Variants in ST6GALNAC3 observed in about 807,000 individuals in gnomAD.
ST6GALNAC3 encodes the protein alpha-N-acetylgalactosaminide alpha-2,6-sialyltransferase 3.
Under a neutral mutation model 32.7 loss-of-function variants are expected in ST6GALNAC3, and 25 were observed. The ratio of observed to expected loss-of-function variants is 0.76; its 90% confidence interval spans 0.56 to 1.07. ST6GALNAC3 has a LOEUF of 1.07. Among genes scored for constraint, ST6GALNAC3 ranks in the 50% least tolerant of loss-of-function variants. The pLI is 0.00. For synonymous variants in ST6GALNAC3, 129 were observed against 133.1 expected, an observed-to-expected ratio of 0.97 and a Z score of 0.21; for missense variants, 355 against 382.4, an observed-to-expected ratio of 0.93 and a Z score of 0.60.
intron 3 of ST6GALNAC3, among the ~76,000 whole-genome samples, chr1:76,546,253 A>C (rs2100327676): frequency 6.6e-6 from 1 of 152,312 alleles, no homozygotes; most frequent in Middle Eastern, 3.4e-3. Flanking sequence ...ATACTCAATA[A>C]GTATTTGGAA....
intron 1 of ST6GALNAC3, among the ~76,000 whole-genome samples, chr1:76,124,674 A>C (rs1649128306): frequency 6.6e-6 from 1 of 152,124 alleles, no homozygotes; most frequent in Non-Finnish European, 1.5e-5. Context: ...TAACTGTCCC[A>C]GTCTTTCTTT....
At chr1:76,469,832 G>A (rs527778156) in intron 3 of ST6GALNAC3, among the ~76,000 whole-genome samples, 4 of 152,162 alleles carry the variant, frequency 2.6e-5, no homozygotes, top group South Asian at 4.1e-4. Flanking sequence ...TGTATTAATG[G>A]AGCCATTGCT....
intron 2 of ST6GALNAC3, among the ~76,000 whole-genome samples, chr1:76,364,542 G>T (rs1033253203): frequency 3.3e-5 from 5 of 151,802 alleles, no homozygotes; most frequent in African/African-American, 1.2e-4. Context: ...GACAGAGCGA[G>T]ACTCCACCTA....
rs1656352168 is a variant in ST6GALNAC3 at position 76,438,883 on chromosome 1, T to G, written c.623+26466T>G. ...GTTATTAAAACAAATGGTTTTTTAG[T>G]CAAATGGTTATTTGACCTCCTGACC... On this transcript the variant is annotated intron_variant, in intron 3 of 4. Transcript: ENST00000328299. Among the ~76,000 whole-genome samples, 3 of 152,192 alleles carry G rather than the reference T, an allele frequency of 2.0e-5. No homozygotes were observed. The South Asian group carries it at 6.2e-4, about 31-fold the overall frequency.
intron 1 of ST6GALNAC3, among the ~76,000 whole-genome samples, chr1:76,075,350 G>T (rs1484587812): frequency 6.6e-6 from 1 of 151,622 alleles, no homozygotes; most frequent in Non-Finnish European, 1.5e-5. Context: ...ATCATGTGAA[G>T]ACAGAAACTT....
intron 1 of ST6GALNAC3, among the ~76,000 whole-genome samples, chr1:76,196,487 C>T (rs1298280761): frequency 5.4e-5 from 8 of 149,362 alleles, no homozygotes; most frequent in Admixed American, 1.3e-4. Flanking sequence ...TTTTTTGAGA[C>T]GGAGTTTCAC....
chr1:76,565,444 T>G (rs1389688943), intron 3 of ST6GALNAC3, among the ~76,000 whole-genome samples: 1 of 152,134 alleles, frequency 6.6e-6, no homozygotes, highest in African/African-American at 2.4e-5. Context: ...TCTTCATTTC[T>G]CCCCACAGGA....
At chr1:76,412,519 C>T (rs549999280) in intron 3 of ST6GALNAC3, 102 bp downstream of exon 3, 34 of 1,221,630 alleles carry the variant, frequency 2.8e-5, no homozygotes, top group Admixed American at 2.2e-4. Flanking sequence ...TATTTATTTA[C>T]GCTGATTGTT....
chr1:76,365,455 G>A (rs746436822), intron 2 of ST6GALNAC3, among the ~76,000 whole-genome samples: 3 of 152,208 alleles, frequency 2.0e-5, no homozygotes, highest in South Asian at 2.1e-4. Flanking sequence ...AAACCTGCAC[G>A]TTTACTTCCT....
rs565145816 is a variant in ST6GALNAC3, at chr1:76,579,194, T to C, written c.624-48258T>C. 1.3e-4 allele frequency among the ~76,000 whole-genome samples: 20 copies of C among 151,920 alleles called. 1 individual carries two copies. The highest frequency in any genetic ancestry group is 4.6e-4 in the African/African-American group (19 of 41,480). ...CTTTTTATTGTGGAGAGGGGAGAAA[T>C]CCAAACATACACAAATATAAACAGA... On this transcript the variant is annotated intron_variant, in intron 3 of 4. Coordinates refer to ENST00000328299, the MANE Select transcript of ST6GALNAC3 (RefSeq NM_152996.4).
intron 1 of ST6GALNAC3, among the ~76,000 whole-genome samples, chr1:76,097,608 C>T (rs1031616719): frequency 2.0e-5 from 3 of 152,162 alleles, no homozygotes; most frequent in African/African-American, 7.2e-5. Flanking sequence ...TGCATGAGAA[C>T]AGACTAATAC....
chr1:76,087,258 T>C (rs1473759010), intron 1 of ST6GALNAC3, among the ~76,000 whole-genome samples: 1 of 152,188 alleles, frequency 6.6e-6, no homozygotes, highest in East Asian at 1.9e-4. Context: ...AGAAAGGACA[T>C]CCAACCCATA....
At chr1:76,335,893 C>A (rs1206674241) in intron 2 of ST6GALNAC3, among the ~76,000 whole-genome samples, 1 of 152,148 alleles carries the variant, frequency 6.6e-6, no homozygotes, top group Non-Finnish European at 1.5e-5. Flanking sequence ...TTTTATTGAT[C>A]CAAAAGGAGC....
chr1:76,142,743 C>G, intron 1 of ST6GALNAC3: 1 of 392,970 alleles, frequency 2.5e-6, no homozygotes, highest in Non-Finnish European at 4.9e-6. Flanking sequence ...CAGTGAGGAG[C>G]GTCCAGCTGT....
rs561391383 is a variant in ST6GALNAC3, at chr1:76,630,748, A to C, written c.*1942A>C. 2.5e-5 allele frequency: 25 copies of C among 985,614 alleles called. No homozygotes were observed. Among genetic ancestry groups the C allele is most frequent in the Non-Finnish European group, 2.9e-5 (24 of 829,840 alleles). 61.1% of individuals were successfully genotyped at this position (985,614 alleles called of 1,614,324 possible). ...ATAAACATTACTAAGCCCCAGTTCTATCGTTGGAAGGAGTTGTTATTCTTT... is the reference window on the plus strand; with the variant it reads ...ATAAACATTACTAAGCCCCAGTTCTCTCGTTGGAAGGAGTTGTTATTCTTT... On this transcript the variant is annotated 3_prime_UTR_variant, in exon 5 of 5. Coordinates refer to ENST00000328299, the MANE Select transcript of ST6GALNAC3 (RefSeq NM_152996.4).
intron 3 of ST6GALNAC3, among the ~76,000 whole-genome samples, chr1:76,451,158 A>G (rs75303783): frequency 0.052 from 7,927 of 152,224 alleles, 702 homozygotes; most frequent in African/African-American, 0.18. Flanking sequence ...CATTTTCACA[A>G]TATTGATTCT....
intron 3 of ST6GALNAC3, among the ~76,000 whole-genome samples, chr1:76,577,954 C>T (rs570851774): frequency 1.4e-4 from 21 of 152,160 alleles, no homozygotes; most frequent in South Asian, 6.2e-4. Context: ...CAATGACAGA[C>T]GATTCTTTTT....
chr1:76,218,413 A>G (rs1223527744), intron 1 of ST6GALNAC3, among the ~76,000 whole-genome samples: 1 of 152,214 alleles, frequency 6.6e-6, no homozygotes, highest in African/African-American at 2.4e-5. Flanking sequence ...AAGAAAGCTC[A>G]ATCAGCAAAT....
Position 76,320,033 on chromosome 1 carries a change from A to G in ST6GALNAC3, c.213+6034A>G, listed in dbSNP as rs148837374. ...GTTGTGAAATAGCAACTTTCAATCA[A>G]TGACCATATCTCCAGACAATCTATG... On this transcript the variant is annotated intron_variant, in intron 2 of 4. Transcript: ENST00000328299. Among the ~76,000 whole-genome samples, 1,298 of 152,338 alleles carry G rather than the reference A, an allele frequency of 8.5e-3. 14 individuals carry two copies. The highest frequency in any genetic ancestry group is 0.029 in the African/African-American group (1,201 of 41,572).
Sources: allele counts gnomAD v4.1 joint callset (sites outside exome capture counted in the v4.1 genomes callset), GRCh38; gene constraint gnomAD v4.1.1; transcripts MANE v1.5; gene names NCBI Gene and HGNC (gene_info 2026-07-23, HGNC 2026-07-21).